Variants in NR3C2 observed in about 807,000 individuals in gnomAD.
NR3C2 encodes the protein nuclear receptor subfamily 3 group C member 2.
A neutral mutation model predicts 86.4 loss-of-function variants in NR3C2; 15 were observed. The ratio of observed to expected loss-of-function variants is 0.17; its 90% CI spans 0.12 to 0.27. The LOEUF (loss-of-function observed/expected upper bound fraction) is 0.27, where lower values mean the gene tolerates loss of function less well. Among genes scored for constraint, NR3C2 ranks in the 10% least tolerant of loss-of-function variants. The pLI, the probability that NR3C2 is intolerant of heterozygous loss-of-function variation, is 1.00. For missense variants in NR3C2, 960 were observed against 1,195.6 expected, an observed-to-expected ratio of 0.80 and a Z score of 2.91; for synonymous variants, 458 against 450.5, an observed-to-expected ratio of 1.02 and a Z score of -0.21.
At chr4:148,419,705 CTCAT>C (rs1749185057) in intron 2 of NR3C2, among the ~76,000 whole-genome samples, 1 of 152,076 alleles carries the variant, frequency 6.6e-6, no homozygotes, top group Non-Finnish European at 1.5e-5. Flanking sequence ...ATTAATTTTT[CTCAT>C]TATTAAAGCA....
chr4:148,435,874 A>G lies in NR3C2; in HGVS notation c.987T>C (p.Thr329=), dbSNP rs577982578. The change falls in exon 2 of 9, where the codon ACT becomes ACC. Residue 329 remains threonine, a synonymous_variant. Transcript: ENST00000358102. ...RSTLSSPAAS[T]VGSICSPVNN... ...TTACAGGGCTACAGATAGATCCCAC[A>G]GTACTGGCTGCCGGACTGGAAAGCG... The G allele has an allele frequency of 3.1e-6, 5 of 1,614,210 alleles. No individual in the cohort carries two copies. The highest frequency in any genetic ancestry group is 2.7e-5 in the African/African-American group (2 of 75,054).
chr4:148,377,124 CAAAAG>C (rs1746718466), intron 2 of NR3C2, among the ~76,000 whole-genome samples: 1 of 151,606 alleles, frequency 6.6e-6, no homozygotes, highest in African/African-American at 2.4e-5. Flanking sequence ...GGAAGGAAGA[CAAAAG>C]AAAGGTAAAT....
intron 3 of NR3C2, among the ~76,000 whole-genome samples, chr4:148,227,609 T>G (rs925028843): frequency 2.0e-5 from 3 of 152,206 alleles, no homozygotes; most frequent in Non-Finnish European, 4.4e-5. Flanking sequence ...TGTTTTTCTA[T>G]TTTCCTCATT....
intron 8 of NR3C2, among the ~76,000 whole-genome samples, chr4:148,086,520 A>G (rs1730820688): frequency 6.6e-6 from 1 of 152,186 alleles, no homozygotes; most frequent in Non-Finnish European, 1.5e-5. Context: ...GGATCACTTG[A>G]GGTCAGGAGT....
intron 6 of NR3C2, among the ~76,000 whole-genome samples, chr4:148,125,389 G>A (rs1353925115): frequency 6.6e-6 from 1 of 152,146 alleles, no homozygotes; most frequent in Non-Finnish European, 1.5e-5. Context: ...TTCAGGTGCT[G>A]GCCTTGTTGG....
At chr4:148,151,018 A>G (rs1052682297) in intron 6 of NR3C2, among the ~76,000 whole-genome samples, 38 of 152,264 alleles carry the variant, frequency 2.5e-4, no homozygotes, top group African/African-American at 8.4e-4. Context: ...AAGGGGAGTG[A>G]TTGTTGAATG....
chr4:148,266,881 G>C (rs1161302146), intron 2 of NR3C2, among the ~76,000 whole-genome samples: 1 of 152,166 alleles, frequency 6.6e-6, no homozygotes, highest in Non-Finnish European at 1.5e-5. Context: ...TTTTAAAGTA[G>C]ACAGTATCAA....
chr4:148,234,394 G>A (rs1738631337), intron 3 of NR3C2, among the ~76,000 whole-genome samples: 1 of 152,092 alleles, frequency 6.6e-6, no homozygotes, highest in African/African-American at 2.4e-5. Flanking sequence ...GGGAGAGGCT[G>A]GGGGCAGTGG....
chr4:148,171,527 C>T (rs570341740), intron 4 of NR3C2, among the ~76,000 whole-genome samples: 3 of 152,254 alleles, frequency 2.0e-5, no homozygotes, highest in East Asian at 1.9e-4. Context: ...CTCAGATCAT[C>T]GGGCATTATA....
chr4:148,328,251 A>G (rs1030464448), intron 2 of NR3C2, among the ~76,000 whole-genome samples: 13 of 152,250 alleles, frequency 8.5e-5, no homozygotes, highest in African/African-American at 2.9e-4. Flanking sequence ...TGCAGATTCT[A>G]TTTCCCAATG....
intron 2 of NR3C2, among the ~76,000 whole-genome samples, chr4:148,319,193 G>T (rs1213379893): frequency 6.6e-6 from 1 of 151,888 alleles, no homozygotes; most frequent in Non-Finnish European, 1.5e-5. Context: ...TTGTAGATAT[G>T]TGGCATTATT....
intron 2 of NR3C2, among the ~76,000 whole-genome samples, chr4:148,429,589 G>A (rs572595002): frequency 2.0e-5 from 3 of 152,286 alleles, no homozygotes; most frequent in Non-Finnish European, 4.4e-5. Flanking sequence ...AAATTAACAA[G>A]TGCTTATATG....
At chr4:148,358,259 G>A (rs1015435378) in intron 2 of NR3C2, among the ~76,000 whole-genome samples, 1 of 151,982 alleles carries the variant, frequency 6.6e-6, no homozygotes, top group African/African-American at 2.4e-5. Context: ...AAGAAAATGT[G>A]GCACATATAT....
intron 2 of NR3C2, among the ~76,000 whole-genome samples, chr4:148,416,187 T>G (rs1490701537): frequency 2.0e-5 from 3 of 152,220 alleles, no homozygotes; most frequent in East Asian, 3.8e-4. Context: ...TTATTTAAAT[T>G]TTTGTAAATT....
chr4:148,443,725 G>A (rs1394683921), upstream of NR3C2, among the ~76,000 whole-genome samples: 2 of 152,306 alleles, frequency 1.3e-5, no homozygotes, highest in African/African-American at 4.8e-5. Context: ...CCGCAGCCCG[G>A]CGGCGGCAGC....
chr4:148,079,490 A>G lies in NR3C2; in HGVS notation c.*1854T>C, dbSNP rs1333559140. The G allele has an allele frequency of 6.6e-6, 1 of 152,452 alleles. No individual in the cohort carries two copies. The allele number at this position is 152,452 out of a possible 1,614,324, so 9.4% of individuals were successfully genotyped here. A position where few individuals can be genotyped will look rare whatever the true frequency, so the allele number is the denominator to read the frequency against. ...GGGCTTCTCCAGCTACAGCTTTTAG[A>G]TTTTGGAAAATAATTAATATGATTT... On this transcript the variant is annotated 3_prime_UTR_variant, in exon 9 of 9. Coordinates refer to ENST00000358102, the MANE Select transcript of NR3C2 (RefSeq NM_000901.5).
chr4:148,352,109 G>C (rs1745311137), intron 2 of NR3C2, among the ~76,000 whole-genome samples: 1 of 152,172 alleles, frequency 6.6e-6, no homozygotes, highest in Non-Finnish European at 1.5e-5. Context: ...TTCCCTTGCA[G>C]ACTTCCTTAA....
Position 148,436,130 on chromosome 4 carries a change from C to G in NR3C2, c.731G>C (p.Arg244Pro). The change falls in exon 2 of 9, where the codon CGA (arginine) becomes CCA (proline). Residue 244 changes from arginine (R) to proline (P), a missense_variant. By Grantham distance (103) the Arg-to-Pro change is moderately radical. Around this residue, in one of 4 missense-constraint regions of NR3C2, gnomAD observed 680 missense variants for 719.0 expected, o/e 0.95. Transcript: ENST00000358102. ...PLTCSPNVEN[R>P]GSRSHSPAHA... ...TGCAGGGCTGTGCGACCTGGAGCCTCGATTTTCAACATTAGGGGAGCATGT... is the reference window on the plus strand; with the variant it reads ...TGCAGGGCTGTGCGACCTGGAGCCTGGATTTTCAACATTAGGGGAGCATGT... 1 of 1,614,066 alleles carries G rather than the reference C, an allele frequency of 6.2e-7. No individual in the cohort carries two copies. The highest frequency in any genetic ancestry group is 8.5e-7 in the Non-Finnish European group (1 of 1,180,022).
chr4:148,390,765 C>T (rs1016356774), intron 2 of NR3C2, among the ~76,000 whole-genome samples: 1 of 152,176 alleles, frequency 6.6e-6, no homozygotes, highest in South Asian at 2.1e-4. Context: ...CAATCCTGAA[C>T]TCAGATTTTG....
Sources: gnomAD v4.1 joint callset for allele counts (sites outside exome capture counted in the v4.1 genomes callset) on GRCh38, gnomAD v4.1.1 for gene constraint, gnomAD v4.1.1 regional missense constraint, MANE v1.5 for transcripts, NCBI Gene and HGNC (gene_info 2026-07-23, HGNC 2026-07-21) for gene names.